Variants in OTOGL observed in about 807,000 individuals in gnomAD.
OTOGL encodes otogelin-like protein.
Under a neutral mutation model 318.5 loss-of-function variants are expected in OTOGL, and 285 were observed. The observed-to-expected ratio is 0.89, with a 90% CI of 0.81 to 0.99. The LOEUF (loss-of-function observed/expected upper bound fraction) is 0.99. Among genes scored for constraint, OTOGL ranks in the 50% least tolerant of loss-of-function variants. The probability of loss-of-function intolerance (pLI) is 0.00; values close to 1 mark genes in which losing one functional copy is unlikely to be tolerated. For synonymous variants in OTOGL, 987 were observed against 936.5 expected (o/e 1.05, Z -0.99); for missense variants, 2,899 against 2,845.6 (o/e 1.02, Z -0.43).
At chr12:80,377,051 A>C in intron 57 of OTOGL, 72 bp from the exon 58 acceptor site, 99 of 972,984 alleles carry the variant, frequency 1.0e-4, no homozygotes, top group Non-Finnish European at 1.3e-4. Context: ...CTGTAAATAT[A>C]TTCATATATT....
Position 80,356,408 on chromosome 12 carries a change from A to C in OTOGL, c.5807-8A>C. On this transcript the variant is annotated splice_region_variant and splice_polypyrimidine_tract_variant and intron_variant, in intron 47 of 58. Coordinates refer to ENST00000547103, the MANE Select transcript of OTOGL (RefSeq NM_001378609.3). ...CACTAATATTTTAACAGTTTTTCTT[A>C]TTTATAGGATGTGACACGACTTTGT... 1 of 1,598,476 alleles carries C rather than the reference A, an allele frequency of 6.3e-7. No individual in the cohort carries two copies. The highest frequency in any genetic ancestry group is 8.5e-7 in the Non-Finnish European group (1 of 1,170,518).
At chr12:80,103,056 G>C (rs1343922437) in intron 1 of OTOGL, 2 of 1,101,930 alleles carry the variant, frequency 1.8e-6, no homozygotes, top group Admixed American at 1.7e-5. Flanking sequence ...GTGGACAGTT[G>C]TGCCATTAGC....
At chr12:80,190,174 A>G (rs1875570547) in intron 1 of OTOGL, among the ~76,000 whole-genome samples, 1 of 152,202 alleles carries the variant, frequency 6.6e-6, no homozygotes, top group South Asian at 2.1e-4. Flanking sequence ...TGCTTTATGC[A>G]TGCTTATCAC....
At chr12:80,278,684 C>A (rs1302059243) in intron 25 of OTOGL, among the ~76,000 whole-genome samples, 1 of 151,526 alleles carries the variant, frequency 6.6e-6, no homozygotes, top group Non-Finnish European at 1.5e-5. Context: ...TGAGCAATGT[C>A]ATGTCTAATG....
intron 17 of OTOGL, among the ~76,000 whole-genome samples, chr12:80,257,612 G>A (rs1882170381): frequency 6.6e-6 from 1 of 152,000 alleles, no homozygotes; most frequent in South Asian, 2.1e-4. Flanking sequence ...GGCTGCTGAA[G>A]ACCAGGAAGG....
chr12:80,327,184 A>T (rs557080411), intron 35 of OTOGL, among the ~76,000 whole-genome samples: 1 of 152,178 alleles, frequency 6.6e-6, no homozygotes, highest in African/African-American at 2.4e-5. Context: ...TTAAATGGAC[A>T]TAGAAAAATG....
At position 80,367,753 on chromosome 12, in the gene OTOGL, G is replaced by A. The variant is rs761283710; in HGVS notation, c.6510+14G>A. ...AAATGTGATGTTGTAAGTATTCCTT[G>A]TAATTTATTCTGGTGAGAGTTAATG... is the stretch of plus-strand genomic sequence containing the variant. On this transcript the variant is annotated intron_variant, in intron 54 of 58. Coordinates refer to ENST00000547103, the MANE Select transcript of OTOGL (RefSeq NM_001378609.3). 2 of 1,352,436 alleles carry A rather than the reference G, an allele frequency of 1.5e-6. No individual in the cohort carries two copies. The highest frequency in any genetic ancestry group is 9.7e-7 in the Non-Finnish European group (1 of 1,031,710). The allele number at this position is 1,352,436 out of a possible 1,614,324, so 83.8% of individuals were successfully genotyped here.
chr12:80,106,948 C>G (rs560375516), intron 1 of OTOGL, among the ~76,000 whole-genome samples: 1 of 151,082 alleles, frequency 6.6e-6, no homozygotes, highest in South Asian at 2.1e-4. Flanking sequence ...AATGAATTAC[C>G]AATTTGACAA....
At chr12:80,124,229 G>A (rs1201889813) in intron 1 of OTOGL, among the ~76,000 whole-genome samples, 1 of 152,150 alleles carries the variant, frequency 6.6e-6, no homozygotes, top group South Asian at 2.1e-4. Context: ...GTGTAAGGAA[G>A]GGATCCAGTT....
At chr12:80,256,251 C>G (rs989664612) in intron 16 of OTOGL, 86 bp from the exon 17 acceptor site, 2 of 1,407,202 alleles carry the variant, frequency 1.4e-6, no homozygotes, top group African/African-American at 2.8e-5. Flanking sequence ...TCCCCTTCTC[C>G]CTTTCTCCCA....
chr12:80,146,836 T>C (rs1872403636), intron 1 of OTOGL, among the ~76,000 whole-genome samples: 2 of 151,936 alleles, frequency 1.3e-5, no homozygotes, highest in Non-Finnish European at 2.9e-5. Flanking sequence ...ATTTTCTAGT[T>C]TATTTGCATA....
At chr12:80,350,347 A>G (rs1391323513) in intron 44 of OTOGL, among the ~76,000 whole-genome samples, 2 of 152,212 alleles carry the variant, frequency 1.3e-5, no homozygotes. Flanking sequence ...GCTATTGTGA[A>G]TAATGCTGCA....
intron 1 of OTOGL, among the ~76,000 whole-genome samples, chr12:80,191,392 C>T (rs907822906): frequency 2.0e-5 from 3 of 151,994 alleles, no homozygotes; most frequent in Non-Finnish European, 2.9e-5. Context: ...GAGCCAAGAT[C>T]GTGCCACTGC....
intron 44 of OTOGL, among the ~76,000 whole-genome samples, chr12:80,350,785 T>G (rs1004854177): frequency 2.6e-5 from 4 of 152,244 alleles, no homozygotes; most frequent in Non-Finnish European, 5.9e-5. Flanking sequence ...TTTGAATTCC[T>G]TATGTATTTT....
chr12:80,326,015 G>A (rs926069909), intron 35 of OTOGL, among the ~76,000 whole-genome samples: 19 of 152,046 alleles, frequency 1.2e-4, no homozygotes, highest in African/African-American at 2.7e-4. Context: ...ATGAAACTTC[G>A]CCCCTGCCAA....
intron 1 of OTOGL, among the ~76,000 whole-genome samples, chr12:80,173,370 TTCC>T (rs1874332707): frequency 6.6e-6 from 1 of 152,140 alleles, no homozygotes; most frequent in Non-Finnish European, 1.5e-5. Flanking sequence ...GAAATGAGGG[TTCC>T]TCCCTTTTTT....
intron 33 of OTOGL, among the ~76,000 whole-genome samples, chr12:80,319,330 G>A (rs1157060337): frequency 6.6e-6 from 1 of 152,142 alleles, no homozygotes; most frequent in Non-Finnish European, 1.5e-5. Flanking sequence ...GCTACCTCAT[G>A]TCTACATAAG....
At chr12:80,138,467 A>G (rs1181295491) in intron 1 of OTOGL, among the ~76,000 whole-genome samples, 2 of 152,166 alleles carry the variant, frequency 1.3e-5, no homozygotes, top group Admixed American at 6.5e-5. Context: ...TCATATTATT[A>G]TCATTAGTAA....
chr12:80,309,963 A>G (rs1886520961), intron 29 of OTOGL, among the ~76,000 whole-genome samples: 2 of 152,168 alleles, frequency 1.3e-5, no homozygotes, highest in South Asian at 4.1e-4. Flanking sequence ...CTTTGCAAAG[A>G]GAGGAGGGAG....
Sources: allele counts gnomAD v4.1 joint callset (sites outside exome capture counted in the v4.1 genomes callset), GRCh38; gene constraint gnomAD v4.1.1; transcripts MANE v1.5; gene names NCBI Gene and HGNC (gene_info 2026-07-23, HGNC 2026-07-21).